The following TMEM161B variants were observed in gnomAD, a reference collection of about 807,000 sequenced individuals.
TMEM161B encodes the protein transmembrane protein 161B.
Under a neutral mutation model 61.8 loss-of-function variants are expected in TMEM161B, and 34 were observed. The observed-to-expected ratio is 0.55, with a 90% CI of 0.42 to 0.73. The LOEUF is 0.73. TMEM161B is among the 30% of genes least tolerant of loss of function. The pLI, the probability that TMEM161B is intolerant of heterozygous loss-of-function variation, is 0.00. For missense variants in TMEM161B, 456 were observed against 558.5 expected, an observed-to-expected ratio of 0.82 and a Z score of 1.85; for synonymous variants, 167 against 192.8, an observed-to-expected ratio of 0.87 and a Z score of 1.11.
intron 5 of TMEM161B, among the ~76,000 whole-genome samples, chr5:88,220,003 C>G (rs1332368810): frequency 6.1e-4 from 91 of 148,856 alleles, no homozygotes; most frequent in Admixed American, 6.0e-3. Context: ...AAAAAAAAAA[C>G]AGAAATGAAG....
rs1265939385 is a variant in TMEM161B at position 88,207,012 on chromosome 5, T to C, written c.598+17A>G. 3.7e-6 allele frequency: 6 copies of C among 1,608,474 alleles called. No individual in the cohort carries two copies. Among genetic ancestry groups the C allele is most frequent in the Non-Finnish European group, 5.1e-6 (6 of 1,178,268 alleles). ...GATAAAGCAAAATTGATTTTTAAAG[T>C]TGTATGAAACTATTACCTGTTTCAA... On this transcript the variant is annotated intron_variant, in intron 6 of 11. Transcript: ENST00000296595.
At chr5:88,229,662 G>GA (rs913496837) in intron 2 of TMEM161B, among the ~76,000 whole-genome samples, 58 of 147,722 alleles carry the variant, frequency 3.9e-4, no homozygotes, top group Admixed American at 2.9e-3. Context: ...TATTACAAAG[G>GA]AAAAAATGCA....
downstream of TMEM161B, among the ~76,000 whole-genome samples, chr5:88,191,979 AGTG>A (rs1748942065): frequency 4.7e-5 from 2 of 42,228 alleles, no homozygotes; most frequent in African/African-American, 8.6e-5. Flanking sequence ...AAAAAAAAAA[AGTG>A]TATATATATA....
At chr5:88,263,370 T>A (rs1755933246) in intron 1 of TMEM161B, among the ~76,000 whole-genome samples, 1 of 152,178 alleles carries the variant, frequency 6.6e-6, no homozygotes, top group African/African-American at 2.4e-5. Flanking sequence ...AGCAGTTATA[T>A]CCCTGTTGCC....
intron 2 of TMEM161B, among the ~76,000 whole-genome samples, chr5:88,230,743 TAAA>T (rs920649813): frequency 3.3e-5 from 5 of 152,292 alleles, no homozygotes; most frequent in African/African-American, 1.2e-4. Flanking sequence ...TGTGGTATAA[TAAA>T]AAATATATCT....
chr5:88,206,396 A>C, intron 7 of TMEM161B, 43 bp downstream of exon 7: 3 of 1,467,504 alleles, frequency 2.0e-6, no homozygotes, highest in Non-Finnish European at 2.8e-6. Flanking sequence ...TTAAAAATAG[A>C]AAAGGTTAAA....
chr5:88,249,203 G>A (rs568433137), intron 1 of TMEM161B, among the ~76,000 whole-genome samples: 30 of 152,192 alleles, frequency 2.0e-4, no homozygotes, highest in Non-Finnish European at 3.4e-4. Context: ...CCATGGGAGG[G>A]AAAAGGGTCA....
chr5:88,224,188 T>C (rs1419628554), intron 4 of TMEM161B, among the ~76,000 whole-genome samples: 1 of 152,186 alleles, frequency 6.6e-6, no homozygotes, highest in East Asian at 1.9e-4. Context: ...CATCATTTCA[T>C]TTATCACATA....
chr5:88,209,099 G>C (rs1478320034), intron 5 of TMEM161B, among the ~76,000 whole-genome samples: 2 of 152,128 alleles, frequency 1.3e-5, no homozygotes, highest in African/African-American at 4.8e-5. Flanking sequence ...AAAAGTTTTG[G>C]ATTTTGGAGC....
At chr5:88,242,613 A>C (rs1752929179) in intron 1 of TMEM161B, among the ~76,000 whole-genome samples, 1 of 151,736 alleles carries the variant, frequency 6.6e-6, no homozygotes, top group Non-Finnish European at 1.5e-5. Flanking sequence ...CATGTTATTT[A>C]ATCAAACATT....
In TMEM161B at chr5:88,203,807, AT is replaced by A. The variant is rs1561312815; in HGVS notation, c.801-733del. 5.2e-3 allele frequency among the ~76,000 whole-genome samples: 304 copies of A among 58,154 alleles called. 23 individuals carry two copies. The highest frequency in any genetic ancestry group is 8.6e-3 in the Middle Eastern group (1 of 116). 38.2% of individuals were successfully genotyped at this position (58,154 alleles called of 152,430 possible). On this transcript the variant is annotated intron_variant, in intron 8 of 11. Transcript: ENST00000296595. ...TATATATATATATATATATATATAT[AT>A]ATATATAATTTGCATTACTCCTGAC...
rs545176662 is a variant in TMEM161B, at chr5:88,231,565, A to G, written c.108-3037T>C. ...AGTTACTGGCATAGAGCAAGTGCTC[A>G]AAAACAGTAACTGAACCAAACGGAA... On this transcript the variant is annotated intron_variant, in intron 2 of 11. Transcript: ENST00000296595. 2.4e-3 allele frequency among the ~76,000 whole-genome samples: 369 copies of G among 152,352 alleles called. 11 individuals carry two copies. Among genetic ancestry groups the G allele is most frequent in the Middle Eastern group, 6.8e-3 (2 of 294 alleles).
chr5:88,232,688 C>T (rs908382012), intron 2 of TMEM161B, among the ~76,000 whole-genome samples: 8 of 152,236 alleles, frequency 5.3e-5, no homozygotes, highest in African/African-American at 1.7e-4. Flanking sequence ...ATTCTCCTGC[C>T]TCAGCCTCCC....
At chr5:88,231,946 A>C (rs1751056405) in intron 2 of TMEM161B, among the ~76,000 whole-genome samples, 1 of 152,218 alleles carries the variant, frequency 6.6e-6, no homozygotes, top group Non-Finnish European at 1.5e-5. Flanking sequence ...CCAAAAGCAT[A>C]ACTCATCCCT....
downstream of TMEM161B, among the ~76,000 whole-genome samples, chr5:88,187,605 T>A (rs144796923): frequency 3.9e-3 from 593 of 152,308 alleles, 2 homozygotes; most frequent in African/African-American, 0.012. Context: ...ATTTTTCAAG[T>A]GTTCATTGCT....
chr5:88,223,197 T>C (rs185876736), intron 4 of TMEM161B, among the ~76,000 whole-genome samples: 54 of 150,980 alleles, frequency 3.6e-4, no homozygotes, highest in Admixed American at 3.2e-3. Flanking sequence ...ATTCAGTGTG[T>C]AACCCTGTCC....
chr5:88,253,358 T>C (rs1233833622), intron 1 of TMEM161B, among the ~76,000 whole-genome samples: 3 of 152,156 alleles, frequency 2.0e-5, no homozygotes, highest in Non-Finnish European at 2.9e-5. Context: ...TCCAGTGTTA[T>C]GGGAACACTC....
downstream of TMEM161B, among the ~76,000 whole-genome samples, chr5:88,191,132 G>A (rs1336786582): frequency 6.6e-6 from 1 of 151,966 alleles, no homozygotes; most frequent in Non-Finnish European, 1.5e-5. Flanking sequence ...CCTTCATCCT[G>A]ACCACAAATC....
In TMEM161B at chr5:88,226,290, T is replaced by C. The variant is rs567405248; in HGVS notation, c.192-424A>G. ...ACCCGGAACCATATGCAAGTCAGAG[T>C]TGAAGAAAGATTTACGTGTATGAGA... On this transcript the variant is annotated intron_variant, in intron 3 of 11. Coordinates refer to ENST00000296595, the MANE Select transcript of TMEM161B (RefSeq NM_153354.5). Among the ~76,000 whole-genome samples the C allele has an allele frequency of 4.9e-4, 75 of 151,988 alleles. 2 individuals carry two copies. In the South Asian group the frequency reaches 0.014, roughly 28 times the overall value.
Sources: allele counts gnomAD v4.1 joint callset (sites outside exome capture counted in the v4.1 genomes callset), GRCh38; gene constraint gnomAD v4.1.1; transcripts MANE v1.5; gene names NCBI Gene and HGNC (gene_info 2026-07-23, HGNC 2026-07-21).